The following CCDC178 variants were observed in gnomAD, a reference collection of about 807,000 sequenced individuals.
CCDC178 encodes the protein coiled-coil domain containing 178.
Under a neutral mutation model 117.4 loss-of-function variants are expected in CCDC178, and 126 were observed. That is an observed-to-expected ratio of 1.07 (90% CI 0.93 to 1.24). The LOEUF (loss-of-function observed/expected upper bound fraction) is 1.24. Ranked by LOEUF, CCDC178 falls within the 50% of genes most tolerant of loss-of-function variation. The pLI, the probability that CCDC178 is intolerant of heterozygous loss-of-function variation, is 0.00. For synonymous variants in CCDC178, 283 were observed against 313.4 expected, an observed-to-expected ratio of 0.90 and a Z score of 1.02; for missense variants, 1,030 against 986.9, an observed-to-expected ratio of 1.04 and a Z score of -0.59.
At chr18:33,167,020 G>A (rs2058540721) in intron 20 of CCDC178, among the ~76,000 whole-genome samples, 1 of 152,080 alleles carries the variant, frequency 6.6e-6, no homozygotes, top group Admixed American at 6.6e-5. Flanking sequence ...ATAAGTGAAA[G>A]CATGCAGTAT....
intron 20 of CCDC178, among the ~76,000 whole-genome samples, chr18:33,165,630 T>G (rs553862522): frequency 1.3e-5 from 2 of 152,352 alleles, no homozygotes; most frequent in South Asian, 4.1e-4. Context: ...AGGCCCATTT[T>G]GTTCATTTTC....
At chr18:33,055,190 C>T (rs566581325) in intron 21 of CCDC178, among the ~76,000 whole-genome samples, 1 of 152,052 alleles carries the variant, frequency 6.6e-6, no homozygotes, top group East Asian at 1.9e-4. Flanking sequence ...GATGAACACA[C>T]TGAAACAATT....
At chr18:33,329,654 G>T (rs2062636457) in intron 10 of CCDC178, among the ~76,000 whole-genome samples, 1 of 152,080 alleles carries the variant, frequency 6.6e-6, no homozygotes, top group Non-Finnish European at 1.5e-5. Context: ...ATTTGTTCAT[G>T]ATGTATAATC....
In CCDC178 at chr18:33,364,807, T is replaced by C. The variant is rs142417417; in HGVS notation, c.348+5243A>G. Among the ~76,000 whole-genome samples, 436 of 139,998 alleles carry C rather than the reference T, an allele frequency of 3.1e-3. 1 individual carries two copies. The highest frequency in any genetic ancestry group is 0.012 in the African/African-American group (422 of 36,590). The allele number at this position is 139,998 out of a possible 152,430, so 91.8% of individuals were successfully genotyped here. ...ATTTAGAGGTTTGAACAAAAAAACA[T>C]TGGAGTAGCCACCACAGACTACTAG... On this transcript the variant is annotated intron_variant, in intron 6 of 22. Coordinates refer to ENST00000383096, the MANE Select transcript of CCDC178 (RefSeq NM_001105528.4).
At chr18:32,940,532 T>C (rs71361401) in intron 22 of CCDC178, among the ~76,000 whole-genome samples, 7,886 of 152,108 alleles carry the variant, frequency 0.052, 286 homozygotes, top group Non-Finnish European at 0.077. Context: ...CAGGGGTACA[T>C]GTGCAGGTTT....
intron 21 of CCDC178, among the ~76,000 whole-genome samples, chr18:33,089,361 G>T (rs1324719373): frequency 6.6e-6 from 1 of 152,028 alleles, no homozygotes; most frequent in African/African-American, 2.4e-5. Context: ...GCAATCTTGT[G>T]TGACACTCAA....
intron 2 of CCDC178, among the ~76,000 whole-genome samples, chr18:33,439,648 G>A (rs957928369): frequency 3.3e-5 from 5 of 152,168 alleles, no homozygotes; most frequent in Non-Finnish European, 5.9e-5. Context: ...GGTAAGTGGT[G>A]TTCTAAAACC....
At chr18:32,969,520 A>G (rs2054881886) in intron 22 of CCDC178, among the ~76,000 whole-genome samples, 2 of 152,052 alleles carry the variant, frequency 1.3e-5, no homozygotes, top group South Asian at 4.1e-4. Flanking sequence ...AGAGCTCAAC[A>G]AACTATATAT....
At chr18:33,273,953 C>CATGA (rs1454514099) in intron 12 of CCDC178, among the ~76,000 whole-genome samples, 6 of 151,706 alleles carry the variant, frequency 4.0e-5, no homozygotes, top group Admixed American at 6.6e-5. Flanking sequence ...AGTGAAAAGA[C>CATGA]ATGACATGGA....
chr18:33,342,232 T>C (rs567539748), intron 9 of CCDC178, among the ~76,000 whole-genome samples: 4 of 151,230 alleles, frequency 2.6e-5, no homozygotes, highest in Admixed American at 6.6e-5. Flanking sequence ...AACAATATGA[T>C]ATGTTTCAAG....
At chr18:33,387,995 G>A (rs916817817) in intron 5 of CCDC178, among the ~76,000 whole-genome samples, 12 of 151,576 alleles carry the variant, frequency 7.9e-5, no homozygotes, top group Admixed American at 7.9e-4. Flanking sequence ...AATCTACAAA[G>A]AACTTAAGCA....
chr18:33,440,786 C>G (rs1204081085), upstream of CCDC178: 5 of 154,610 alleles, frequency 3.2e-5, no homozygotes, highest in African/African-American at 1.2e-4. Flanking sequence ...GCGTGAGGAG[C>G]GGGCGGCTGC....
At chr18:32,961,715 A>T (rs899594151) in intron 22 of CCDC178, among the ~76,000 whole-genome samples, 1 of 152,016 alleles carries the variant, frequency 6.6e-6, no homozygotes. Flanking sequence ...TCGTGCTCCT[A>T]TGATAATCTA....
intron 2 of CCDC178, among the ~76,000 whole-genome samples, chr18:33,420,369 T>A (rs1052520564): frequency 9.9e-5 from 15 of 152,098 alleles, no homozygotes; most frequent in Admixed American, 3.3e-4. Context: ...TATTATTATT[T>A]TTTTTACACC....
intron 22 of CCDC178, among the ~76,000 whole-genome samples, chr18:32,960,160 T>C (rs1262558101): frequency 6.6e-6 from 1 of 152,108 alleles, no homozygotes; most frequent in African/African-American, 2.4e-5. Context: ...TATCAATATA[T>C]GAATTGTGTT....
intron 18 of CCDC178, among the ~76,000 whole-genome samples, chr18:33,222,492 C>T (rs2059248782): frequency 6.6e-6 from 1 of 152,042 alleles, no homozygotes; most frequent in Admixed American, 6.6e-5. Context: ...TGAAGCTTCA[C>T]CCTCTGCTTC....
intron 20 of CCDC178, among the ~76,000 whole-genome samples, chr18:33,177,590 C>T (rs1190263861): frequency 6.6e-6 from 1 of 152,082 alleles, no homozygotes; most frequent in Admixed American, 6.6e-5. Context: ...TAAGCAGGCT[C>T]AAGTGCCCCC....
At chr18:33,083,507 G>A (rs1266257066) in intron 21 of CCDC178, among the ~76,000 whole-genome samples, 1 of 152,138 alleles carries the variant, frequency 6.6e-6, no homozygotes, top group African/African-American at 2.4e-5. Context: ...ATGCTAATCT[G>A]GTGGGTGCAA....
chr18:33,251,199 G>A (rs1164835191), intron 14 of CCDC178, among the ~76,000 whole-genome samples: 1 of 151,636 alleles, frequency 6.6e-6, no homozygotes, highest in Non-Finnish European at 1.5e-5. Context: ...TTTATAAAAT[G>A]AGCAATATTA....
Sources: gnomAD v4.1 joint callset for allele counts (sites outside exome capture counted in the v4.1 genomes callset) on GRCh38, gnomAD v4.1.1 for gene constraint, MANE v1.5 for transcripts, NCBI Gene and HGNC (gene_info 2026-07-23, HGNC 2026-07-21) for gene names.